GRIA2: variants seen among roughly 807,000 people sequenced by gnomAD.
The protein encoded by GRIA2 is glutamate receptor 2.
A neutral mutation model predicts 97.3 loss-of-function variants in GRIA2; 14 were observed. The observed-to-expected ratio is 0.14, with a 90% CI of 0.10 to 0.23. GRIA2 has a LOEUF of 0.23. Among genes scored for constraint, GRIA2 ranks in the 10% least tolerant of loss-of-function variants. The pLI, the probability that GRIA2 is intolerant of heterozygous loss-of-function variation, is 1.00. For missense variants in GRIA2, 558 were observed against 1,069.8 expected (o/e 0.52, Z 6.67); for synonymous variants, 412 against 387.8 (o/e 1.06, Z -0.73).
chr4:157,261,778 T>C (rs983115898), intron 2 of GRIA2, among the ~76,000 whole-genome samples: 2 of 152,152 alleles, frequency 1.3e-5, no homozygotes, highest in African/African-American at 4.8e-5. Context: ...GTATTTTTTT[T>C]GAAAATATGT....
In GRIA2 at chr4:157,321,559, A is replaced by G; in HGVS notation, c.842A>G (p.Glu281Gly). The change falls in exon 6 of 16, where the codon GAA (glutamate) becomes GGA (glycine). Residue 281 changes from glutamate to glycine, a missense_variant. Transcript: ENST00000264426. ...SKFIERWSTL[E>G]EKEYPGAHTT... is the part of the protein sequence containing the mutation. ...TTTATAGAAAGATGGTCAACACTGG[A>G]AGAAAAAGAATACCCTGGAGCTCAC... The G allele has an allele frequency of 6.2e-7, 1 of 1,610,928 alleles. No homozygotes were observed.
intron 2 of GRIA2, among the ~76,000 whole-genome samples, chr4:157,256,181 A>T (rs1249136845): frequency 1.5e-5 from 2 of 137,446 alleles, no homozygotes; most frequent in African/African-American, 5.5e-5. Flanking sequence ...TATATTATAT[A>T]TAATATATAA....
At chr4:157,249,984 G>A (rs1263954636) in intron 2 of GRIA2, 2 of 152,036 alleles carry the variant, frequency 1.3e-5, no homozygotes, top group Non-Finnish European at 2.9e-5. Context: ...TTATTTTAAA[G>A]AACTGACTAT....
At chr4:157,347,727 A>G (rs771680027) in intron 12 of GRIA2, among the ~76,000 whole-genome samples, 1 of 152,204 alleles carries the variant, frequency 6.6e-6, no homozygotes, top group Non-Finnish European at 1.5e-5. Context: ...CCAGAGCTCT[A>G]TAGAGAAGAG....
At chr4:157,323,260 G>A (rs1184458813) in intron 6 of GRIA2, among the ~76,000 whole-genome samples, 1 of 136,690 alleles carries the variant, frequency 7.3e-6, no homozygotes, top group African/African-American at 2.7e-5. Context: ...GCGTGAACCC[G>A]GGAGGTAGAG....
intron 2 of GRIA2, among the ~76,000 whole-genome samples, chr4:157,243,088 A>G (rs1047425834): frequency 9.2e-5 from 14 of 152,136 alleles, no homozygotes; most frequent in African/African-American, 3.4e-4. Flanking sequence ...ACAAGAAGGC[A>G]GAGTGTTGCC....
At chr4:157,326,739 TG>T (rs1734818354) in intron 6 of GRIA2, among the ~76,000 whole-genome samples, 1 of 152,336 alleles carries the variant, frequency 6.6e-6, no homozygotes, top group East Asian at 1.9e-4. Flanking sequence ...AGAAATGATT[TG>T]AAGAAATGCT....
chr4:157,253,953 G>A (rs900570802), intron 2 of GRIA2, among the ~76,000 whole-genome samples: 8 of 151,464 alleles, frequency 5.3e-5, no homozygotes, highest in East Asian at 1.9e-4. Context: ...AATCTTTTTC[G>A]TCAAAGAGTA....
At chr4:157,230,040 A>G (rs1417546544) in intron 2 of GRIA2, among the ~76,000 whole-genome samples, 2 of 152,178 alleles carry the variant, frequency 1.3e-5, no homozygotes. Context: ...CTTTATCCCT[A>G]CAAGAATAGA....
intron 2 of GRIA2, among the ~76,000 whole-genome samples, chr4:157,254,137 T>G (rs1337590404): frequency 1.3e-5 from 2 of 151,926 alleles, no homozygotes; most frequent in Non-Finnish European, 2.9e-5. Context: ...ACTCTAAGGA[T>G]AAAGGAAGTT....
chr4:157,296,941 T>A (rs780240284), intron 2 of GRIA2, among the ~76,000 whole-genome samples: 4 of 152,164 alleles, frequency 2.6e-5, no homozygotes, highest in Non-Finnish European at 4.4e-5. Flanking sequence ...GAAAGGCAGA[T>A]TGCTTTAGAA....
chr4:157,235,974 C>T, intron 2 of GRIA2, among the ~76,000 whole-genome samples: 1 of 151,902 alleles, frequency 6.6e-6, no homozygotes, highest in East Asian at 1.9e-4. Context: ...ACACTAACAC[C>T]TTGCTAGTGT....
intron 2 of GRIA2, among the ~76,000 whole-genome samples, chr4:157,272,563 T>A (rs1490752333): frequency 6.6e-6 from 1 of 152,122 alleles, no homozygotes; most frequent in African/African-American, 2.4e-5. Context: ...CCTTCATCAC[T>A]TTAATGTGTT....
chr4:157,260,544 C>A (rs926401391), intron 2 of GRIA2, among the ~76,000 whole-genome samples: 2 of 152,090 alleles, frequency 1.3e-5, no homozygotes, highest in African/African-American at 4.8e-5. Context: ...CTCCCCCTGC[C>A]TTTAAAACAT....
In GRIA2 at chr4:157,361,047, C is replaced by A; in HGVS notation, c.2329C>A (p.Gln777Lys). ...CCTCGCAGTACTAAAACTGAATGAA[C>A]AAGGCCTGTTGGACAAATTGAAAAA... The part of the protein sequence containing the change: ...VNLAVLKLNE[Q>K]GLLDKLKNKW... Residue 777 changes from glutamine to lysine, a missense_variant, in exon 14 of 16, where the codon CAA becomes AAA. This residue lies in a region of GRIA2 where 125 missense variants were observed against 310.2 expected (regional missense o/e 0.40). Transcript: ENST00000264426. This position sits in a 1 kb window ranked among gnomAD's most constrained non-coding sequence, Gnocchi z 5.2. 1 of 1,613,528 alleles carries A rather than the reference C, an allele frequency of 6.2e-7. No individual in the cohort carries two copies. Among genetic ancestry groups the A allele is most frequent in the Non-Finnish European group, 8.5e-7 (1 of 1,179,514 alleles).
At chr4:157,277,920 GTA>G (rs1250217874) in intron 2 of GRIA2, among the ~76,000 whole-genome samples, 2 of 103,938 alleles carry the variant, frequency 1.9e-5, no homozygotes, top group Admixed American at 9.1e-5. Flanking sequence ...GTATATATAT[GTA>G]TATATATATG....
chr4:157,271,828 G>T (rs1732039560), intron 2 of GRIA2, among the ~76,000 whole-genome samples: 1 of 152,104 alleles, frequency 6.6e-6, no homozygotes, highest in Non-Finnish European at 1.5e-5. Flanking sequence ...CCTATAGAAA[G>T]ACATCACTTT....
chr4:157,353,996 A>G (rs1736136851), intron 12 of GRIA2, among the ~76,000 whole-genome samples: 1 of 152,120 alleles, frequency 6.6e-6, no homozygotes, highest in African/African-American at 2.4e-5. Context: ...ATAAAATGTC[A>G]TGATTACCTC....
rs1736224570 is a variant in GRIA2, at chr4:157,355,612, ATT to A, written c.2044-4282_2044-4281del. ...TTTATTTATATATATATTTATATAT[ATT>A]TATTTATATATATTTATTTATATAT... is the stretch of plus-strand genomic sequence containing the variant. On this transcript the variant is annotated intron_variant, in intron 12 of 15. Coordinates refer to ENST00000264426, the MANE Select transcript of GRIA2 (RefSeq NM_001083619.3). Among the ~76,000 whole-genome samples, 3 of 136,168 alleles carry A rather than the reference ATT, an allele frequency of 2.2e-5. No individual in the cohort carries two copies. The South Asian group carries it at 6.5e-4, about 29-fold the overall frequency. 89.3% of individuals were successfully genotyped at this position (136,168 alleles called of 152,430 possible). A position where few individuals can be genotyped will look rare whatever the true frequency, so the allele number is the denominator to read the frequency against.
Sources: allele counts gnomAD v4.1 joint callset (sites outside exome capture counted in the v4.1 genomes callset), GRCh38; gene constraint gnomAD v4.1.1; regional missense constraint gnomAD v4.1.1; non-coding constraint Gnocchi (gnomAD v3.1); transcripts MANE v1.5; gene names NCBI Gene and HGNC (gene_info 2026-07-23, HGNC 2026-07-21).